Variants in TENM1 observed in about 807,000 individuals in gnomAD.
TENM1 encodes the protein teneurin-1.
A neutral mutation model predicts 174.8 loss-of-function variants in TENM1; 35 were observed. That is an observed-to-expected ratio of 0.20 (90% CI 0.15 to 0.27). The LOEUF (loss-of-function observed/expected upper bound fraction) is 0.27, where lower values mean the gene tolerates loss of function less well. TENM1 is among the 10% of genes least tolerant of loss of function. TENM1 has a pLI of 1.00. For synonymous variants in TENM1, 781 were observed against 798.7 expected, an observed-to-expected ratio of 0.98 and a Z score of 0.37; for missense variants, 1,633 against 2,130.1, an observed-to-expected ratio of 0.77 and a Z score of 4.59.
intron 11 of TENM1, among the ~76,000 whole-genome samples, chrX:124,609,591 G>A (rs58571594): frequency 0.039 from 4,347 of 111,700 alleles, 210 homozygotes; most frequent in African/African-American, 0.13. Context: ...ACCATTTCTA[G>A]TGGGCTTAAG....
intron 12 of TENM1, among the ~76,000 whole-genome samples, chrX:124,564,740 GATAA>G (rs1172252482): frequency 8.9e-6 from 1 of 111,746 alleles, no homozygotes; most frequent in Non-Finnish European, 1.9e-5. Flanking sequence ...AAGATCACAT[GATAA>G]ATTAATTATT....
At chrX:124,438,452 T>C (rs1424288857) in intron 23 of TENM1, among the ~76,000 whole-genome samples, 6 of 110,921 alleles carry the variant, frequency 5.4e-5, no homozygotes, top group Admixed American at 1.9e-4. Context: ...TGTGGAAGAC[T>C]GAGTGGTTCA....
At chrX:124,673,581 T>C (rs2148438869) in intron 5 of TENM1, among the ~76,000 whole-genome samples, 1 of 111,791 alleles carries the variant, frequency 8.9e-6, no homozygotes, top group African/African-American at 3.2e-5. Context: ...TGCAATAATT[T>C]AGGAAAGAAG....
chrX:124,821,470 T>C (rs895691980), intron 3 of TENM1, among the ~76,000 whole-genome samples: 5 of 112,449 alleles, frequency 4.4e-5, no homozygotes, highest in Admixed American at 2.8e-4. Context: ...TTATTACCCA[T>C]GTAATTTTCT....
chrX:125,116,055 C>T, the TENM1 span, among the ~76,000 whole-genome samples: 3 of 111,281 alleles, frequency 2.7e-5, 1 homozygote, highest in South Asian at 1.1e-3. Flanking sequence ...ATATATAGAC[C>T]AATGGAATAG....
intron 22 of TENM1, among the ~76,000 whole-genome samples, chrX:124,465,977 G>C (rs1322764483): frequency 1.8e-5 from 2 of 111,854 alleles, no homozygotes; most frequent in African/African-American, 3.3e-5. Flanking sequence ...GATATACCAG[G>C]CGCATGATGT....
In TENM1 at chrX:124,920,869, C is replaced by T. The variant is rs111774448; in HGVS notation, c.218-24628G>A. The stretch of plus-strand genomic sequence containing the variant: ...ATATTATCTCCCAACCTATTGTTTT[C>T]CCATCCCCCCTTACTGTTGTTTATG... On this transcript the variant is annotated intron_variant, in intron 1 of 31. Coordinates refer to ENST00000422452, the Ensembl canonical transcript of TENM1. Among the ~76,000 whole-genome samples the T allele has an allele frequency of 3.0e-3, 332 of 110,193 alleles. 2 individuals are homozygous for T. Among genetic ancestry groups the T allele is most frequent in the Non-Finnish European group, 4.7e-3 (248 of 52,574 alleles).
In TENM1 at chrX:124,754,896, CT is replaced by C. The variant is rs750794921; in HGVS notation, c.536-17700del. The stretch of plus-strand genomic sequence containing the variant: ...GTTCTTTTACATTTGCTGAGGAGAG[CT>C]TTACTTCCAACTATGTGGTCAATTT... On this transcript the variant is annotated intron_variant, in intron 3 of 31. Coordinates refer to ENST00000422452, the Ensembl canonical transcript of TENM1. Among the ~76,000 whole-genome samples, 359 of 105,991 alleles carry C rather than the reference CT, an allele frequency of 3.4e-3. 4 individuals are homozygous for C. The highest frequency in any genetic ancestry group is 0.011 in the African/African-American group (296 of 27,236). 92.0% of individuals were successfully genotyped at this position (105,991 alleles called of 115,157 possible). A position where few individuals can be genotyped will look rare whatever the true frequency, so the allele number is the denominator to read the frequency against.
At chrX:124,440,017 T>G (rs1433468212) in intron 23 of TENM1, among the ~76,000 whole-genome samples, 5 of 110,958 alleles carry the variant, frequency 4.5e-5, no homozygotes, top group Non-Finnish European at 9.4e-5. Context: ...CCATTAAGCT[T>G]TACTGACTTT....
chrX:125,023,207 A>C, the TENM1 span, among the ~76,000 whole-genome samples: 2 of 110,866 alleles, frequency 1.8e-5, no homozygotes, highest in Non-Finnish European at 3.8e-5. Flanking sequence ...CTCCCATGCT[A>C]TTTTTGTGAT....
At chrX:125,158,600 C>G in the TENM1 span, among the ~76,000 whole-genome samples, 1 of 109,740 alleles carries the variant, frequency 9.1e-6, no homozygotes, top group African/African-American at 3.3e-5. Flanking sequence ...ATTCATGTCC[C>G]TCAAAGTAAT....
chrX:125,203,575 G>A, the TENM1 span, among the ~76,000 whole-genome samples: 3 of 112,693 alleles, frequency 2.7e-5, no homozygotes, highest in African/African-American at 9.7e-5. Context: ...TGCCCCAGAT[G>A]GTCCAGAGCC....
the TENM1 span, among the ~76,000 whole-genome samples, chrX:125,009,141 G>T: frequency 1.1e-5 from 1 of 94,814 alleles, no homozygotes; most frequent in Non-Finnish European, 2.1e-5. Context: ...CCACTAGCTA[G>T]ACTAATAAAT....
chrX:124,782,340 T>C (rs905045643), intron 3 of TENM1, among the ~76,000 whole-genome samples: 10 of 111,451 alleles, frequency 9.0e-5, no homozygotes, highest in African/African-American at 3.3e-4. Flanking sequence ...CTGGCTATCA[T>C]ATTGTAGGCA....
At chrX:124,772,415 G>A (rs911133562) in intron 3 of TENM1, among the ~76,000 whole-genome samples, 5 of 112,013 alleles carry the variant, frequency 4.5e-5, no homozygotes, top group Non-Finnish European at 3.8e-5. Flanking sequence ...GATAACAAGC[G>A]TGAGCCACCG....
chrX:124,527,680 G>A (rs951838832), intron 16 of TENM1, among the ~76,000 whole-genome samples: 1 of 94,190 alleles, frequency 1.1e-5, no homozygotes, highest in Non-Finnish European at 2.1e-5. Flanking sequence ...ACAGAGTCTC[G>A]CTTTGTTGCC....
chrX:124,638,721 G>A (rs2050939857), intron 11 of TENM1, among the ~76,000 whole-genome samples: 1 of 110,858 alleles, frequency 9.0e-6, no homozygotes. Flanking sequence ...TCAACCCCTC[G>A]CTGGCCATAT....
intron 3 of TENM1, among the ~76,000 whole-genome samples, chrX:124,849,794 A>C (rs749037946): frequency 3.6e-5 from 4 of 112,140 alleles, no homozygotes; most frequent in Admixed American, 2.8e-4. Context: ...AAACTAATAC[A>C]AGTACCTTGT....
At chrX:124,443,963 C>A (rs1185352275) in intron 23 of TENM1, among the ~76,000 whole-genome samples, 2 of 112,160 alleles carry the variant, frequency 1.8e-5, no homozygotes, top group African/African-American at 6.5e-5. Context: ...ACATGATACA[C>A]CTTGATTTTT....
Sources: gnomAD v4.1 joint callset for allele counts (sites outside exome capture counted in the v4.1 genomes callset) on GRCh38, gnomAD v4.1.1 for gene constraint, MANE v1.5 for transcripts, NCBI Gene and HGNC (gene_info 2026-07-23, HGNC 2026-07-21) for gene names.